The following DZIP1L variants were observed in gnomAD, a reference collection of about 807,000 sequenced individuals.
DZIP1L encodes DAZ interacting zinc finger protein 1 like.
DZIP1L carries 90 observed loss-of-function variants against 88.7 expected under a neutral mutation model. The ratio of observed to expected loss-of-function variants is 1.02; its 90% CI spans 0.86 to 1.21. DZIP1L has a LOEUF of 1.21. DZIP1L is among the 50% of genes most tolerant of loss of function. The pLI, the probability that DZIP1L is intolerant of heterozygous loss-of-function variation, is 0.00. For missense variants in DZIP1L, 932 were observed against 955.8 expected (o/e 0.98, Z 0.33); for synonymous variants, 363 against 372.1 (o/e 0.98, Z 0.28).
chr3:138,112,939 T>C (rs1315280425), intron 1 of DZIP1L, among the ~76,000 whole-genome samples: 3 of 152,034 alleles, frequency 2.0e-5, no homozygotes, highest in Non-Finnish European at 2.9e-5. Context: ...AGAGTGAGAC[T>C]TCGTCTCAAA....
At chr3:138,069,057 C>T (rs1943049142) in intron 12 of DZIP1L, 2 of 1,205,754 alleles carry the variant, frequency 1.7e-6, no homozygotes, top group Non-Finnish European at 2.2e-6. Flanking sequence ...GACCCCGAAA[C>T]AACGTGGGGT....
chr3:138,071,061 T>A (rs2622704), intron 12 of DZIP1L, among the ~76,000 whole-genome samples: 2 of 152,060 alleles, frequency 1.3e-5, no homozygotes, highest in Non-Finnish European at 2.9e-5. Context: ...GTGGCAGCTA[T>A]GACCTGGCCC....
At chr3:138,101,944 T>G in intron 2 of DZIP1L, 2 of 1,528,464 alleles carry the variant, frequency 1.3e-6, no homozygotes, top group Non-Finnish European at 1.8e-6. Flanking sequence ...CTCTGGCCTT[T>G]GAGGCCCTCA....
At position 138,103,761 on chromosome 3, in the gene DZIP1L, C is replaced by A. The variant is rs1301243905; in HGVS notation, c.211G>T (p.Val71Leu). ...GITFCNLDRE[V>L]CSRCGQPVDP... The stretch of plus-strand genomic sequence containing the variant: ...ACAGGCTGCCCACAGCGGCTGCACA[C>A]CTCCCGGTCCAAGTTGCAGAAGGTG... The change falls in exon 2 of 16, where the codon GTG becomes TTG. Residue 71 changes from valine (V) to leucine (L), a missense_variant. Physicochemically the swap from Val to Leu is conservative, Grantham distance 32 (BLOSUM62 1). Coordinates refer to ENST00000327532, the MANE Select transcript of DZIP1L (RefSeq NM_173543.3). The A allele has an allele frequency of 2.5e-6, 4 of 1,614,030 alleles. No individual in the cohort carries two copies. The South Asian group carries it at 4.4e-5, about 18-fold the overall frequency.
intron 9 of DZIP1L, 38 bp from the exon 10 acceptor site, chr3:138,080,658 T>C (rs775115950): frequency 1.2e-6 from 2 of 1,606,794 alleles, no homozygotes; most frequent in South Asian, 1.1e-5. Context: ...ACCAGTGCTC[T>C]GGACCCCATC....
At chr3:138,102,233 A>G (rs1461041190) in intron 2 of DZIP1L, 3 of 1,418,288 alleles carry the variant, frequency 2.1e-6, no homozygotes, top group Non-Finnish European at 3.0e-6. Context: ...TCTCCTCTTC[A>G]TACAGCTGCC....
intron 15 of DZIP1L, among the ~76,000 whole-genome samples, chr3:138,064,039 G>A (rs1033243074): frequency 1.3e-5 from 2 of 152,228 alleles, no homozygotes; most frequent in African/African-American, 4.8e-5. Flanking sequence ...GACGGGCAGT[G>A]AGGAGGGTCT....
intron 1 of DZIP1L, among the ~76,000 whole-genome samples, chr3:138,107,861 G>C (rs1267064754): frequency 6.6e-6 from 1 of 152,040 alleles, no homozygotes; most frequent in Non-Finnish European, 1.5e-5. Context: ...CTCTCAGCCT[G>C]GTCTTGAGAC....
intron 2 of DZIP1L, among the ~76,000 whole-genome samples, chr3:138,100,746 C>T (rs896725969): frequency 1.3e-5 from 2 of 152,228 alleles, no homozygotes; most frequent in Non-Finnish European, 2.9e-5. Flanking sequence ...CATCCGTAAA[C>T]TATGAATGTC....
At chr3:138,105,480 T>C (rs1269546437) in intron 1 of DZIP1L, among the ~76,000 whole-genome samples, 2 of 152,114 alleles carry the variant, frequency 1.3e-5, no homozygotes, top group African/African-American at 2.4e-5. Flanking sequence ...CAAAATGGTG[T>C]AGTATTTGCA....
At chr3:138,064,220 G>A (rs1452170196) in intron 15 of DZIP1L, among the ~76,000 whole-genome samples, 4 of 152,100 alleles carry the variant, frequency 2.6e-5, no homozygotes, top group African/African-American at 7.2e-5. Flanking sequence ...ACCACCCTTG[G>A]GGGAGTCCGC....
At chr3:138,098,403 G>A (rs1452601228) in intron 2 of DZIP1L, among the ~76,000 whole-genome samples, 1 of 152,166 alleles carries the variant, frequency 6.6e-6, no homozygotes, top group Non-Finnish European at 1.5e-5. Context: ...TCCCAGGGTG[G>A]AGAAACACCA....
At chr3:138,109,961 T>A (rs2042590969) in intron 1 of DZIP1L, among the ~76,000 whole-genome samples, 1 of 151,542 alleles carries the variant, frequency 6.6e-6, no homozygotes, top group African/African-American at 2.4e-5. Context: ...CTTCCTGATA[T>A]CCCAGCTCTC....
chr3:138,101,920 G>C (rs1576496165), intron 2 of DZIP1L: 1 of 1,466,044 alleles, frequency 6.8e-7, no homozygotes. Context: ...ACGTTGCTCG[G>C]CATCTGCGAT....
chr3:138,090,415 T>C (rs1944153379), intron 5 of DZIP1L, among the ~76,000 whole-genome samples: 1 of 152,158 alleles, frequency 6.6e-6, no homozygotes, highest in Non-Finnish European at 1.5e-5. Context: ...GGTCAGGAGA[T>C]GTTTGCATGT....
intron 5 of DZIP1L, among the ~76,000 whole-genome samples, chr3:138,089,957 ACATGGCGAAACCC>A (rs1027134230): frequency 1.3e-5 from 2 of 152,166 alleles, no homozygotes; most frequent in African/African-American, 4.8e-5. Context: ...AGCCTGGGTA[ACATGGCGAAACCC>A]CATCTCTACA....
At chr3:138,080,088 C>T (rs1312008717) in intron 10 of DZIP1L, among the ~76,000 whole-genome samples, 8 of 152,152 alleles carry the variant, frequency 5.3e-5, no homozygotes, top group Non-Finnish European at 8.8e-5. Context: ...ACAGCAGGTG[C>T]CCAATGCTCT....
intron 5 of DZIP1L, chr3:138,089,092 C>G: frequency 6.1e-6 from 6 of 985,348 alleles, no homozygotes; most frequent in Non-Finnish European, 7.2e-6. Context: ...ATATGACTGT[C>G]GTAGTAACAA....
At chr3:138,073,129 T>C (rs73227511) in intron 11 of DZIP1L, among the ~76,000 whole-genome samples, 2,181 of 152,214 alleles carry the variant, frequency 0.014, 24 homozygotes, top group Admixed American at 0.022. Context: ...AGGAGCTGTA[T>C]GGCCCTGCCC....
Sources: gnomAD v4.1 joint callset for allele counts (sites outside exome capture counted in the v4.1 genomes callset) on GRCh38, gnomAD v4.1.1 for gene constraint, MANE v1.5 for transcripts, NCBI Gene and HGNC (gene_info 2026-07-23, HGNC 2026-07-21) for gene names.